Variants in AFG2A observed in about 807,000 individuals in gnomAD.
AFG2A encodes AAA ATPase AFG2A.
chr4:123,107,545 A>G, the AFG2A span, among the ~76,000 whole-genome samples: 1 of 152,152 alleles, frequency 6.6e-6, no homozygotes, highest in Non-Finnish European at 1.5e-5. Context: ...CTCTGGGCCG[A>G]GGTCTCCACA....
chr4:123,112,565 G>A, the AFG2A span, among the ~76,000 whole-genome samples: 7 of 152,138 alleles, frequency 4.6e-5, no homozygotes, highest in Non-Finnish European at 8.8e-5. Flanking sequence ...TCACATATCA[G>A]TTTCTCTTCC....
the AFG2A span, among the ~76,000 whole-genome samples, chr4:122,958,936 G>A: frequency 6.6e-6 from 1 of 152,152 alleles, no homozygotes; most frequent in South Asian, 2.1e-4. Context: ...GTCTGTGACT[G>A]GACATTTGAT....
the AFG2A span, among the ~76,000 whole-genome samples, chr4:123,209,069 A>G: frequency 6.6e-6 from 1 of 152,146 alleles, no homozygotes; most frequent in South Asian, 2.1e-4. Context: ...ATCCTTTGTG[A>G]TATCTTTAAT....
At chr4:123,040,204 A>G in the AFG2A span, among the ~76,000 whole-genome samples, 1 of 151,932 alleles carries the variant, frequency 6.6e-6, no homozygotes, top group African/African-American at 2.4e-5. Flanking sequence ...TTTGTGTGTC[A>G]TTAATTTTTT....
chr4:123,276,092 A>T, the AFG2A span, among the ~76,000 whole-genome samples: 1 of 152,130 alleles, frequency 6.6e-6, no homozygotes, highest in African/African-American at 2.4e-5. Context: ...AGCTCATTTA[A>T]ACTCCCACCA....
chr4:123,162,914 A>G, the AFG2A span, among the ~76,000 whole-genome samples: 2 of 152,232 alleles, frequency 1.3e-5, no homozygotes, highest in African/African-American at 4.8e-5. Flanking sequence ...TTTATGTAGT[A>G]TATAAAAAGA....
the AFG2A span, among the ~76,000 whole-genome samples, chr4:123,245,968 A>C: frequency 6.6e-6 from 1 of 152,054 alleles, no homozygotes; most frequent in Non-Finnish European, 1.5e-5. Context: ...AAAGACTCCC[A>C]CAACTTTTTC....
the AFG2A span, among the ~76,000 whole-genome samples, chr4:123,029,942 G>T: frequency 6.6e-6 from 1 of 152,170 alleles, no homozygotes; most frequent in Non-Finnish European, 1.5e-5. Flanking sequence ...CACAGCAAAG[G>T]TTGCGGTTTT....
chr4:123,246,861 T>G, the AFG2A span, among the ~76,000 whole-genome samples: 3,125 of 152,276 alleles, frequency 0.021, 97 homozygotes, highest in African/African-American at 0.071. Flanking sequence ...AGTTTCTCAA[T>G]CTGGTAAATT....
chr4:123,121,493 C>T, the AFG2A span, among the ~76,000 whole-genome samples: 5 of 152,192 alleles, frequency 3.3e-5, no homozygotes, highest in Admixed American at 3.3e-4. Context: ...TGGTAAGTGC[C>T]CTATACAGGC....
the AFG2A span, among the ~76,000 whole-genome samples, chr4:122,955,000 C>T: frequency 2.0e-5 from 3 of 152,148 alleles, no homozygotes; most frequent in African/African-American, 7.2e-5. Flanking sequence ...TCTCGGTGCT[C>T]ATGAAATTTT....
the AFG2A span, among the ~76,000 whole-genome samples, chr4:123,254,754 G>T: frequency 0.78 from 118,456 of 152,172 alleles, 46,868 homozygotes; most frequent in Non-Finnish European, 0.85. Context: ...CAATGTCTGG[G>T]ATGTAATACA....
the AFG2A span, among the ~76,000 whole-genome samples, chr4:123,193,456 G>T: frequency 6.6e-5 from 10 of 152,098 alleles, no homozygotes; most frequent in South Asian, 2.1e-4. Context: ...TATTATTACA[G>T]GTTATTCCTA....
the AFG2A span, among the ~76,000 whole-genome samples, chr4:122,931,342 A>G: frequency 6.6e-5 from 10 of 152,166 alleles, 1 homozygote; most frequent in South Asian, 1.7e-3. Context: ...TCTCTTTTAT[A>G]TGAATATATA....
the AFG2A span, among the ~76,000 whole-genome samples, chr4:123,304,284 A>AT: frequency 1.3e-5 from 2 of 152,236 alleles, no homozygotes; most frequent in East Asian, 3.9e-4. Flanking sequence ...TCAGGTCTCA[A>AT]TGGGCCTGGG....
At chr4:123,112,659 A>G in the AFG2A span, among the ~76,000 whole-genome samples, 1 of 152,200 alleles carries the variant, frequency 6.6e-6, no homozygotes, top group Non-Finnish European at 1.5e-5. Flanking sequence ...ACTTAAATAC[A>G]GGATAATGAA....
chr4:123,075,992 A>C, the AFG2A span, among the ~76,000 whole-genome samples: 9 of 150,224 alleles, frequency 6.0e-5, no homozygotes, highest in South Asian at 2.1e-4. Context: ...AAAAAACAAA[A>C]AAAAAAGAAA....
the AFG2A span, among the ~76,000 whole-genome samples, chr4:123,177,343 C>A: frequency 6.7e-6 from 1 of 149,960 alleles, no homozygotes; most frequent in Non-Finnish European, 1.5e-5. Context: ...CAGGCATGCA[C>A]CACCATGCAC....
At chr4:123,225,839 A>G in the AFG2A span, among the ~76,000 whole-genome samples, 1 of 152,172 alleles carries the variant, frequency 6.6e-6, no homozygotes, top group Non-Finnish European at 1.5e-5. Flanking sequence ...CTTCCTACCC[A>G]TGAGCATGGA....
Sources: gnomAD v4.1 joint callset for allele counts (sites outside exome capture counted in the v4.1 genomes callset) on GRCh38, gnomAD v4.1.1 for gene constraint, MANE v1.5 for transcripts, NCBI Gene and HGNC (gene_info 2026-07-23, HGNC 2026-07-21) for gene names.